TCF4: variants seen among roughly 807,000 people sequenced by gnomAD.
TCF4 encodes the protein transcription factor 4, also known as SL3-3 enhancer factor 2.
In TCF4, 3 loss-of-function variants were observed where a neutral mutation model predicts 82.1. That is an observed-to-expected ratio of 0.04 (90% CI 0.02 to 0.09). TCF4 has a LOEUF of 0.09. Among genes scored for constraint, TCF4 ranks in the 10% least tolerant of loss-of-function variants. The pLI is 1.00. For synonymous variants in TCF4, 276 were observed against 309.6 expected, an observed-to-expected ratio of 0.89 and a Z score of 1.14; for missense variants, 518 against 852.7, an observed-to-expected ratio of 0.61 and a Z score of 4.89.
chr18:55,492,885 C>A (rs2096590758), intron 3 of TCF4, among the ~76,000 whole-genome samples: 1 of 152,128 alleles, frequency 6.6e-6, no homozygotes, highest in African/African-American at 2.4e-5. Flanking sequence ...ACTCACTGGT[C>A]ACCACTGTGA....
At chr18:55,444,487 G>A (rs915560943) in intron 5 of TCF4, among the ~76,000 whole-genome samples, 3 of 152,090 alleles carry the variant, frequency 2.0e-5, no homozygotes, top group Non-Finnish European at 2.9e-5. Flanking sequence ...TTCCAGTTGC[G>A]CTTTTGAAGG....
intron 8 of TCF4, among the ~76,000 whole-genome samples, chr18:55,285,458 T>C (rs968679044): frequency 1.3e-5 from 2 of 152,244 alleles, no homozygotes; most frequent in Non-Finnish European, 2.9e-5. Flanking sequence ...TATAATTATT[T>C]TTAACAATGG....
intron 3 of TCF4, among the ~76,000 whole-genome samples, chr18:55,580,518 G>C (rs1292098301): frequency 6.6e-6 from 1 of 151,908 alleles, no homozygotes; most frequent in Non-Finnish European, 1.5e-5. Flanking sequence ...AACTAATAAA[G>C]ATATGAGAAA....
At chr18:55,418,373 T>C (rs949321429) in intron 5 of TCF4, among the ~76,000 whole-genome samples, 1 of 152,170 alleles carries the variant, frequency 6.6e-6, no homozygotes, top group African/African-American at 2.4e-5. Context: ...ACTTATCATT[T>C]GTTAATAATC....
chr18:55,587,928 CGGGAG>C, intron 1 of TCF4, 105 bp downstream of exon 1: 1 of 900,578 alleles, frequency 1.1e-6, no homozygotes, highest in Non-Finnish European at 1.3e-6. Flanking sequence ...CGCCGGGCGC[CGGGAG>C]CCCGCGGCGC....
chr18:55,371,253 A>T (rs1630422), intron 6 of TCF4, among the ~76,000 whole-genome samples: 148,743 of 152,300 alleles, frequency 0.98, 72,667 homozygotes, highest in East Asian at 1. Context: ...TAGAAACATG[A>T]TCAGAGGGCA....
chr18:55,583,749 A>T (rs1193118087), intron 3 of TCF4, among the ~76,000 whole-genome samples: 1 of 148,454 alleles, frequency 6.7e-6, no homozygotes, highest in Non-Finnish European at 1.5e-5. Flanking sequence ...GTCATAAAAA[A>T]ATTACTGTCA....
intron 3 of TCF4, among the ~76,000 whole-genome samples, chr18:55,499,602 T>TG (rs1468108712): frequency 6.6e-6 from 1 of 152,086 alleles, no homozygotes; most frequent in Non-Finnish European, 1.5e-5. Flanking sequence ...ACAATTTAAT[T>TG]GGGGGTGGGG....
At chr18:55,317,094 A>C (rs1219713669) in intron 8 of TCF4, among the ~76,000 whole-genome samples, 1 of 152,044 alleles carries the variant, frequency 6.6e-6, no homozygotes, top group Non-Finnish European at 1.5e-5. Context: ...TATCAGCTTA[A>C]ACATAAAGAA....
intron 6 of TCF4, among the ~76,000 whole-genome samples, chr18:55,361,088 G>A (rs897886405): frequency 6.6e-6 from 1 of 152,074 alleles, no homozygotes; most frequent in Non-Finnish European, 1.5e-5. Flanking sequence ...GCACTGCTGG[G>A]ATAGAAATGT....
chr18:55,391,943 AAAAAAAAAAATCTTT>A (rs2093142431), intron 6 of TCF4, among the ~76,000 whole-genome samples: 1 of 141,022 alleles, frequency 7.1e-6, no homozygotes, highest in Non-Finnish European at 1.5e-5. Flanking sequence ...ATCTAAAAGA[AAAAAAAAAAATCTTT>A]TTTTTTTTTT....
At chr18:55,440,891 A>G (rs1419118471) in intron 5 of TCF4, among the ~76,000 whole-genome samples, 1 of 152,088 alleles carries the variant, frequency 6.6e-6, no homozygotes, top group Non-Finnish European at 1.5e-5. Context: ...TATTGGATTT[A>G]TGTCTGAATA....
intron 17 of TCF4, chr18:55,231,151 T>A (rs2144537305): frequency 6.6e-6 from 1 of 152,356 alleles, no homozygotes; most frequent in East Asian, 1.9e-4. Context: ...ATTAATTCAC[T>A]CCTATATTCT....
At chr18:55,608,369 A>ATT (rs746413576) in intron 2 of TCF4, among the ~76,000 whole-genome samples, 39,064 of 117,094 alleles carry the variant, frequency 0.33, 7,791 homozygotes, top group Admixed American at 0.5. Context: ...TTGCCACAGT[A>ATT]TTTTTTTTTT....
chr18:55,275,800 C>A, intron 9 of TCF4, 48 bp from the exon 10 acceptor site: 2 of 1,612,868 alleles, frequency 1.2e-6, no homozygotes, highest in South Asian at 1.1e-5. Context: ...TTCAGCCTTG[C>A]CTTATAGAAT....
chr18:55,365,647 C>T (rs2086815298), intron 6 of TCF4, among the ~76,000 whole-genome samples: 1 of 152,068 alleles, frequency 6.6e-6, no homozygotes, highest in Admixed American at 6.5e-5. Context: ...TGCCTATGAT[C>T]CCAGCACTTT....
chr18:55,542,854 G>A (rs559898733), intron 3 of TCF4, among the ~76,000 whole-genome samples: 121 of 152,114 alleles, frequency 8.0e-4, no homozygotes, highest in African/African-American at 2.8e-3. Flanking sequence ...AAATTTACAG[G>A]CACAATTTAT....
intron 5 of TCF4, among the ~76,000 whole-genome samples, chr18:55,438,433 C>T (rs562682062): frequency 1.3e-5 from 2 of 152,026 alleles, no homozygotes; most frequent in Admixed American, 6.5e-5. Context: ...GATCTATTCC[C>T]AGAAAAAAAG....
chr18:55,613,227 T>G (rs2097708817), intron 2 of TCF4, among the ~76,000 whole-genome samples: 1 of 152,086 alleles, frequency 6.6e-6, no homozygotes, highest in African/African-American at 2.4e-5. Context: ...AGCTTCCTCA[T>G]GCCCCTATGT....
Sources: allele counts gnomAD v4.1 joint callset (sites outside exome capture counted in the v4.1 genomes callset), GRCh38; gene constraint gnomAD v4.1.1; transcripts MANE v1.5; gene names NCBI Gene and HGNC (gene_info 2026-07-23, HGNC 2026-07-21).